Variants in SDK1 observed in about 807,000 individuals in gnomAD.
SDK1 encodes the protein protein sidekick-1.
A neutral mutation model predicts 245.5 loss-of-function variants in SDK1; 157 were observed. The observed-to-expected ratio is 0.64, with a 90% CI of 0.56 to 0.73. The LOEUF is 0.73. SDK1 is among the 30% of genes least tolerant of loss of function. The pLI is 0.00. For synonymous variants in SDK1, 1,647 were observed against 1,278.5 expected, an observed-to-expected ratio of 1.29 and a Z score of -6.15; for missense variants, 3,583 against 3,002.3, an observed-to-expected ratio of 1.19 and a Z score of -4.52.
intron 4 of SDK1, among the ~76,000 whole-genome samples, chr7:3,781,526 T>C (rs1780737616): frequency 6.6e-6 from 1 of 152,122 alleles, no homozygotes; most frequent in Admixed American, 6.5e-5. Context: ...CTCAAGGGAA[T>C]CATGACACCT....
intron 5 of SDK1, among the ~76,000 whole-genome samples, chr7:3,887,462 A>G (rs1053250075): frequency 2.3e-4 from 35 of 152,208 alleles, no homozygotes; most frequent in Non-Finnish European, 4.1e-4. Context: ...TAATTGAGCA[A>G]TCATGATCAA....
intron 5 of SDK1, among the ~76,000 whole-genome samples, chr7:3,939,495 A>G (rs1214499216): frequency 6.6e-6 from 1 of 152,156 alleles, no homozygotes; most frequent in Non-Finnish European, 1.5e-5. Context: ...AAAGGAAATC[A>G]CAGTGTATTT....
intron 4 of SDK1, among the ~76,000 whole-genome samples, chr7:3,662,811 A>G (rs1349068626): frequency 6.6e-6 from 1 of 152,214 alleles, no homozygotes; most frequent in Non-Finnish European, 1.5e-5. Context: ...CATGATGCTC[A>G]AAGGAAGTGC....
intron 4 of SDK1, among the ~76,000 whole-genome samples, chr7:3,743,279 G>T (rs1779527843): frequency 6.6e-6 from 1 of 152,212 alleles, no homozygotes; most frequent in African/African-American, 2.4e-5. Context: ...TTTGGAGTTA[G>T]AAGAAGTTTC....
intron 2 of SDK1, among the ~76,000 whole-genome samples, chr7:3,623,758 C>T (rs923816202): frequency 6.6e-6 from 1 of 152,052 alleles, no homozygotes. Flanking sequence ...ACACCTAAGC[C>T]GAGAATTTCT....
intron 5 of SDK1, among the ~76,000 whole-genome samples, chr7:3,844,684 C>T (rs1194394763): frequency 6.6e-6 from 1 of 152,214 alleles, no homozygotes; most frequent in African/African-American, 2.4e-5. Context: ...AAAAGTGCCA[C>T]TTAATGTAAT....
chr7:3,305,142 T>G (rs548562427), intron 1 of SDK1, among the ~76,000 whole-genome samples: 24 of 152,302 alleles, frequency 1.6e-4, no homozygotes, highest in African/African-American at 5.5e-4. Flanking sequence ...TACACTAGCT[T>G]TTCACTTATG....
intron 1 of SDK1, among the ~76,000 whole-genome samples, chr7:3,614,820 A>C (rs1248766773): frequency 6.9e-6 from 1 of 143,992 alleles, no homozygotes; most frequent in East Asian, 1.9e-4. Flanking sequence ...TTCTCCTTAT[A>C]ATGAATGTTA....
chr7:3,344,164 T>C (rs1470098608), intron 1 of SDK1, among the ~76,000 whole-genome samples: 1 of 152,200 alleles, frequency 6.6e-6, no homozygotes, highest in Admixed American at 6.5e-5. Context: ...CAGAATTAAA[T>C]GTCTTCAGGA....
At chr7:3,952,020 T>A in intron 7 of SDK1, 100 bp downstream of exon 7, 1 of 1,103,642 alleles carries the variant, frequency 9.1e-7, no homozygotes. Flanking sequence ...TGGCTTTATT[T>A]GTAACTCGGC....
intron 4 of SDK1, among the ~76,000 whole-genome samples, chr7:3,644,603 A>C (rs1782762578): frequency 6.6e-6 from 1 of 151,174 alleles, no homozygotes; most frequent in Non-Finnish European, 1.5e-5. Context: ...ATCTCTACTG[A>C]AAATTAAAAA....
chr7:4,262,777 C>T (rs1373332823), intron 44 of SDK1, among the ~76,000 whole-genome samples: 2 of 94,566 alleles, frequency 2.1e-5, no homozygotes, highest in Non-Finnish European at 4.3e-5. Context: ...TCATCACCTC[C>T]ACCCCCTCTC....
intron 16 of SDK1, among the ~76,000 whole-genome samples, chr7:4,013,920 C>G (rs1786179198): frequency 6.6e-6 from 1 of 152,342 alleles, no homozygotes; most frequent in African/African-American, 2.4e-5. Context: ...TCCTGTTGAT[C>G]CCCTGGGACA....
At chr7:4,163,686 C>T (rs1049998945) in intron 32 of SDK1, among the ~76,000 whole-genome samples, 3 of 152,096 alleles carry the variant, frequency 2.0e-5, no homozygotes, top group South Asian at 2.1e-4. Flanking sequence ...GAGTGAGCAG[C>T]GCCAGCCGCA....
intron 4 of SDK1, among the ~76,000 whole-genome samples, chr7:3,688,098 T>C (rs190522628): frequency 1.3e-5 from 2 of 152,214 alleles, no homozygotes; most frequent in East Asian, 3.8e-4. Flanking sequence ...GCTGAGACAA[T>C]CAGTGCTCAG....
intron 1 of SDK1, among the ~76,000 whole-genome samples, chr7:3,556,707 A>G (rs1344681558): frequency 6.6e-6 from 1 of 152,118 alleles, no homozygotes; most frequent in Non-Finnish European, 1.5e-5. Flanking sequence ...CTGTAATCCC[A>G]GCTACTCTGG....
intron 1 of SDK1, among the ~76,000 whole-genome samples, chr7:3,501,696 T>C (rs1782219411): frequency 6.6e-6 from 1 of 152,230 alleles, no homozygotes; most frequent in Non-Finnish European, 1.5e-5. Context: ...TAATTTGTTC[T>C]AGTTACTGGT....
At chr7:4,076,636 G>A (rs1266058144) in intron 20 of SDK1, among the ~76,000 whole-genome samples, 1 of 152,218 alleles carries the variant, frequency 6.6e-6, no homozygotes, top group Non-Finnish European at 1.5e-5. Flanking sequence ...TTTGACAAGA[G>A]AAGGTCGAAT....
In SDK1 at chr7:4,127,426, C is replaced by T; in HGVS notation, c.3869C>T (p.Ser1290Leu). The stretch of plus-strand genomic sequence containing the variant: ...AACGTGTCAGCCGAGGCTGTCAGCT[C>T]GACCCAGATTTTACTGACATGGACA... The part of the protein sequence containing the change: ...PENVSAEAVS[S>L]TQILLTWTSV... Residue 1290 changes from serine to leucine, a missense_variant, in exon 26 of 45, where the codon TCG becomes TTG. Transcript: ENST00000404826. 2 of 1,614,170 alleles carry T rather than the reference C, an allele frequency of 1.2e-6. No homozygotes were observed. Among genetic ancestry groups the T allele is most frequent in the South Asian group, 1.1e-5 (1 of 91,076 alleles).
Sources: gnomAD v4.1 joint callset for allele counts (sites outside exome capture counted in the v4.1 genomes callset) on GRCh38, gnomAD v4.1.1 for gene constraint, MANE v1.5 for transcripts, NCBI Gene and HGNC (gene_info 2026-07-23, HGNC 2026-07-21) for gene names.